PHF1: variants seen among roughly 807,000 people sequenced by gnomAD.
PHF1 encodes the protein PHD finger protein 1, also known as polycomb-like 1.
In PHF1, 16 loss-of-function variants were observed where a neutral mutation model predicts 69.4. That is an observed-to-expected ratio of 0.23 (90% confidence interval 0.16 to 0.35). The LOEUF (loss-of-function observed/expected upper bound fraction) is 0.35. PHF1 is among the 10% of genes least tolerant of loss of function. PHF1 has a pLI of 1.00. For synonymous variants in PHF1, 274 were observed against 275.0 expected (o/e 1.00, Z 0.04); for missense variants, 515 against 732.8 (o/e 0.70, Z 3.43).
In PHF1 at chr6:33,415,237, C is replaced by A; in HGVS notation, c.1242C>A (p.Ala414=). The A allele has an allele frequency of 6.2e-7, 1 of 1,613,798 alleles. No individual in the cohort carries two copies. Among genetic ancestry groups the A allele is most frequent in the Non-Finnish European group, 8.5e-7 (1 of 1,179,750 alleles). ...ERAHLQRALQ[A]SVSPPSPSPN... ...CAGTCCTTTGCCCCCTCTTCTAGGC[C>A]TCAGTGTCTCCACCATCCCCCAGCC... is the stretch of plus-strand genomic sequence containing the variant. Residue 414 remains alanine (A), a splice_region_variant and synonymous_variant, in exon 13 of 15, where the codon GCC becomes GCA. Transcript: ENST00000374516.
At position 33,415,869 on chromosome 6, in the gene PHF1, CGAT is replaced by C. The variant is rs780033853; in HGVS notation, c.1478_1480del (p.Met493del). On this transcript the variant is annotated inframe_deletion, in exon 15 of 15. Coordinates refer to ENST00000374516, the MANE Select transcript of PHF1 (RefSeq NM_024165.3). The stretch of plus-strand genomic sequence containing the variant: ...GACATCCCTAAAAGTGCCCCCCACT[CGAT>C]GACTGCCTCATCTTCCTCAGTTTCA... 9.6e-5 allele frequency: 155 copies of C among 1,610,462 alleles called. No individual in the cohort carries two copies. The highest frequency in any genetic ancestry group is 1.2e-4 in the Non-Finnish European group (146 of 1,177,388).
In PHF1 at chr6:33,414,982, A is replaced by G; in HGVS notation, c.1077A>G (p.Gly359=). 1 of 1,548,196 alleles carries G rather than the reference A, an allele frequency of 6.5e-7. No homozygotes were observed. Among genetic ancestry groups the G allele is most frequent in the Non-Finnish European group, 8.7e-7 (1 of 1,146,466 alleles). Residue 359 remains glycine (G), a synonymous_variant, in exon 12 of 15, where the codon GGA becomes GGG. Coordinates refer to ENST00000374516, the MANE Select transcript of PHF1 (RefSeq NM_024165.3). This position sits in a 1 kb window ranked among gnomAD's most constrained non-coding sequence, Gnocchi z 5.0. ...TSFPSGQGPG[G]GVSRPLGKRR... ...TCCCTTCAGGGCAGGGCCCTGGGGG[A>G]GGGGTCTCACGTCCCCTGGGGAAGC...
intron 14 of PHF1, 60 bp from the exon 15 acceptor site, chr6:33,415,750 C>G: frequency 1.2e-6 from 2 of 1,603,402 alleles, no homozygotes; most frequent in Non-Finnish European, 8.5e-7. Context: ...AACACTGTTT[C>G]TCTGATTCAC....
rs1353918905 is a variant in PHF1, at chr6:33,415,897, A to G, written c.1503A>G (p.Ser501=). ...HSMTASSSSV[S]SPSPGLPRRS... is the part of the protein sequence containing the mutation. ...TGACTGCCTCATCTTCCTCAGTTTC[A>G]TCCCCATCCCCAGGTCTTCCTAGAC... The change falls in exon 15 of 15, where the codon TCA becomes TCG. Residue 501 remains serine, a synonymous_variant. Transcript: ENST00000374516. 6.2e-7 allele frequency: 1 copy of G among 1,612,960 alleles called. No homozygotes were observed. Among genetic ancestry groups the G allele is most frequent in the Non-Finnish European group, 8.5e-7 (1 of 1,179,294 alleles).
rs576149310 is a variant in PHF1, at chr6:33,412,164, G to GAAAAAA, written c.-16-73_-16-68dup. The GAAAAAA allele has an allele frequency of 7.2e-6, 6 of 830,440 alleles. No individual in the cohort carries two copies. The highest frequency in any genetic ancestry group is 5.4e-6 in the Non-Finnish European group (3 of 558,174). The allele number at this position is 830,440 out of a possible 1,614,324, so 51.4% of individuals were successfully genotyped here. On this transcript the variant is annotated intron_variant, in intron 1 of 14. Transcript: ENST00000374516. This position sits in a 1 kb window ranked among gnomAD's most constrained non-coding sequence, Gnocchi z 4.2. ...GCGACAGAGCAAAACTCCATCTCAG[G>GAAAAAA]AAAAAAAAAAAAAAAAGAAAAAGAA...
Position 33,414,992 on chromosome 6 carries a change from C to G in PHF1, c.1087C>G (p.Arg363Gly). 1.3e-6 allele frequency: 2 copies of G among 1,555,364 alleles called. No individual in the cohort carries two copies. The highest frequency in any genetic ancestry group is 1.4e-5 in the African/African-American group (1 of 73,270). The change falls in exon 12 of 15, where the codon CGT becomes GGT. Residue 363 changes from arginine (R) to glycine (G), a missense_variant. Around this residue, in one of 5 missense-constraint regions of PHF1, gnomAD observed 274 missense variants for 304.5 expected, o/e 0.90. Coordinates refer to ENST00000374516, the MANE Select transcript of PHF1 (RefSeq NM_024165.3). This position sits in a 1 kb window ranked among gnomAD's most constrained non-coding sequence, Gnocchi z 5.0. ...SGQGPGGGVS[R>G]PLGKRRRPEP... ...GCAGGGCCCTGGGGGAGGGGTCTCA[C>G]GTCCCCTGGGGAAGCGCCGGAGGCC...
rs779807497 is a variant in PHF1, at chr6:33,413,583, G to A, written c.587+26G>A. 4 of 1,613,878 alleles carry A rather than the reference G, an allele frequency of 2.5e-6. No homozygotes were observed. In the East Asian group the frequency reaches 8.9e-5, roughly 36 times the overall value. ...GTGAGTAATGAGAGGGGAGCAGACTGTGGAATGAATGATGTGGTGGTGGAT... is the reference window on the plus strand; with the variant it reads ...GTGAGTAATGAGAGGGGAGCAGACTATGGAATGAATGATGTGGTGGTGGAT... On this transcript the variant is annotated intron_variant, in intron 6 of 14. Transcript: ENST00000374516.
chr6:33,411,255 C>G (rs1468221471), intron 1 of PHF1, 40 bp downstream of exon 1: 1 of 152,218 alleles, frequency 6.6e-6, no homozygotes, highest in Non-Finnish European at 1.5e-5. Context: ...GGGCAGGGAG[C>G]CGGGGGTCGG....
intron 5 of PHF1, 42 bp from the exon 6 acceptor site, chr6:33,413,367 T>C: frequency 6.2e-7 from 1 of 1,612,428 alleles, no homozygotes; most frequent in Non-Finnish European, 8.5e-7. Context: ...CCTTTTCCTC[T>C]CCCCACCCCT....
In PHF1 at chr6:33,412,486, C is replaced by T. The variant is rs766364303; in HGVS notation, c.160-22C>T. The T allele has an allele frequency of 3.7e-6, 6 of 1,614,212 alleles. No individual in the cohort carries two copies. Among genetic ancestry groups the T allele is most frequent in the South Asian group, 3.3e-5 (3 of 91,084 alleles). ...TATCTAATTCTGGTTCCCATTTCAT[C>T]CTGTTTGCTCACCCATTCCAGGTGG... On this transcript the variant is annotated intron_variant, in intron 2 of 14. Transcript: ENST00000374516. The surrounding 1 kb of genome is among the most constrained non-coding windows in gnomAD (Gnocchi z 4.2).
rs150475632 is a variant in PHF1 at position 33,413,090 on chromosome 6, C to A, written c.338-106C>A. 2.9e-3 allele frequency: 2,917 copies of A among 1,010,574 alleles called. 17 individuals carry two copies. The highest frequency in any genetic ancestry group is 3.8e-3 in the Non-Finnish European group (2,459 of 639,286). 62.6% of individuals were successfully genotyped at this position (1,010,574 alleles called of 1,614,324 possible). ...GTAAAATAAGGATAATGCACCCCCT[C>A]ATCAAGACCATGGTCAGGGATTAAA... On this transcript the variant is annotated intron_variant, in intron 4 of 14. Transcript: ENST00000374516.
In PHF1 at chr6:33,416,288, C is replaced by T. The variant is rs1396917299; in HGVS notation, c.*190C>T. On this transcript the variant is annotated 3_prime_UTR_variant, in exon 15 of 15. Transcript: ENST00000374516. ...CTACCCTCCTTCATGATTCCTGACC[C>T]CTCCCATCCTTCCCATTTCCTTTGA... The T allele has an allele frequency of 6.1e-6, 3 of 491,940 alleles. No individual in the cohort carries two copies. Among genetic ancestry groups the T allele is most frequent in the Admixed American group, 3.7e-5 (1 of 27,008 alleles). The allele number at this position is 491,940 out of a possible 1,614,324, so 30.5% of individuals were successfully genotyped here. A position where few individuals can be genotyped will look rare whatever the true frequency, so the allele number is the denominator to read the frequency against.
In PHF1 at chr6:33,412,855, C is replaced by A; in HGVS notation, c.337+62C>A. On this transcript the variant is annotated intron_variant, in intron 4 of 14. Coordinates refer to ENST00000374516, the MANE Select transcript of PHF1 (RefSeq NM_024165.3). The surrounding 1 kb of genome is among the most constrained non-coding windows in gnomAD (Gnocchi z 4.2). ...CTTCCCTCCAGGATGGTCTCTATAT[C>A]ACCTGTCCTGGCCTTAGTCCCCAAG... The A allele has an allele frequency of 2.2e-6, 3 of 1,371,804 alleles. No homozygotes were observed. The highest frequency in any genetic ancestry group is 3.1e-6 in the Non-Finnish European group (3 of 960,446). The allele number at this position is 1,371,804 out of a possible 1,614,324, so 85.0% of individuals were successfully genotyped here.
At position 33,413,977 on chromosome 6, in the gene PHF1, G is replaced by A. The variant is rs1170633645; in HGVS notation, c.684-64G>A. 1.3e-5 allele frequency: 21 copies of A among 1,602,946 alleles called. No homozygotes were observed. The East Asian group carries it at 4.0e-4, about 31-fold the overall frequency. On this transcript the variant is annotated intron_variant, in intron 7 of 14. Coordinates refer to ENST00000374516, the MANE Select transcript of PHF1 (RefSeq NM_024165.3). ...CTGTTTGCCCCGTCCTTGCTTGTGA[G>A]TCTTCCAGGGGATGGCACAGTTTTC...
Position 33,416,194 on chromosome 6 carries a change from TA to T in PHF1, c.*97del. On this transcript the variant is annotated 3_prime_UTR_variant, in exon 15 of 15. Coordinates refer to ENST00000374516, the MANE Select transcript of PHF1 (RefSeq NM_024165.3). The stretch of plus-strand genomic sequence containing the variant: ...TACAGCTGGGATGTACCTGGAGAGA[TA>T]GGGGGTAGTTCTCCCTACTGCCCAG... 1 of 1,121,576 alleles carries T rather than the reference TA, an allele frequency of 8.9e-7. No individual in the cohort carries two copies. The highest frequency in any genetic ancestry group is 1.2e-6 in the Non-Finnish European group (1 of 811,684). 69.5% of individuals were successfully genotyped at this position (1,121,576 alleles called of 1,614,324 possible).
chr6:33,414,808 C>G lies in PHF1; in HGVS notation c.1028C>G (p.Thr343Ser). The G allele has an allele frequency of 6.2e-7, 1 of 1,613,244 alleles. No homozygotes were observed. ...ATGCCTCCCCCTGTGGAGCCCCCTA[C>G]TGGAGATGGAGCACTCACCAGGTCA... ...ARMPPPVEPP[T>S]GDGALTSFPS... The change falls in exon 11 of 15, where the codon ACT (threonine) becomes AGT (serine). Residue 343 changes from threonine (T) to serine (S), a missense_variant. By Grantham distance (58) the Thr-to-Ser change is moderately conservative (BLOSUM62 1). Coordinates refer to ENST00000374516, the MANE Select transcript of PHF1 (RefSeq NM_024165.3). The surrounding 1 kb of genome is among the most constrained non-coding windows in gnomAD (Gnocchi z 5.0).
chr6:33,414,584 AAGAGATGG>A lies in PHF1; in HGVS notation c.944+45_944+52del. ...AGAGGAGGCAAGGATGAGGCTCGGA[AAGAGATGG>A]AGAGTGGAAGCCTGGAAGGGGAGGG... On this transcript the variant is annotated intron_variant, in intron 10 of 14. Coordinates refer to ENST00000374516, the MANE Select transcript of PHF1 (RefSeq NM_024165.3). The surrounding 1 kb of genome is among the most constrained non-coding windows in gnomAD (Gnocchi z 5.0). 1 of 1,604,566 alleles carries A rather than the reference AAGAGATGG, an allele frequency of 6.2e-7. No individual in the cohort carries two copies. Among genetic ancestry groups the A allele is most frequent in the Non-Finnish European group, 8.5e-7 (1 of 1,171,368 alleles).
Position 33,415,738 on chromosome 6 carries a change from C to CT in PHF1, c.1415+69dup, listed in dbSNP as rs999356674. On this transcript the variant is annotated intron_variant, in intron 14 of 14. Coordinates refer to ENST00000374516, the MANE Select transcript of PHF1 (RefSeq NM_024165.3). ...TCTATGTGCTCAAGGCTCTTAGTCT[C>CT]TAACACTGTTTCTCTGATTCACATG... The CT allele has an allele frequency of 3.1e-6, 5 of 1,605,536 alleles. No individual in the cohort carries two copies. In the South Asian group the frequency reaches 4.4e-5, roughly 14 times the overall value.
chr6:33,413,713 A>G, intron 6 of PHF1, 23 bp from the exon 7 acceptor site: 1 of 1,610,620 alleles, frequency 6.2e-7, no homozygotes, highest in Non-Finnish European at 8.5e-7. Context: ...TCTGGAGGCC[A>G]GAAGTCCTGT....
Sources: gnomAD v4.1 joint callset for allele counts on GRCh38, gnomAD v4.1.1 for gene constraint, gnomAD v4.1.1 regional missense constraint, Gnocchi (gnomAD v3.1) non-coding constraint, MANE v1.5 for transcripts, NCBI Gene and HGNC (gene_info 2026-07-23, HGNC 2026-07-21) for gene names.